Variants in PCBP3 observed in about 807,000 individuals in gnomAD.
The protein encoded by PCBP3 is poly(rC)-binding protein 3.
A neutral mutation model predicts 52.7 loss-of-function variants in PCBP3; 25 were observed. The ratio of observed to expected loss-of-function variants is 0.47; its 90% CI spans 0.35 to 0.66. PCBP3 has a LOEUF of 0.66. Ranked by LOEUF, PCBP3 falls within the 30% of genes least tolerant of loss-of-function variation. The pLI is 0.01. For synonymous variants in PCBP3, 162 were observed against 183.0 expected (o/e 0.89, Z 0.93); for missense variants, 391 against 490.3 (o/e 0.80, Z 1.91).
chr21:45,917,578 C>T lies in PCBP3; in HGVS notation c.676-10C>T. ...GGTTGCAGTCTGACGGGGTCTCTCTCTCTCTCTAGGCCTACACAATCCAGG... is the reference window on the plus strand; with the variant it reads ...GGTTGCAGTCTGACGGGGTCTCTCTTTCTCTCTAGGCCTACACAATCCAGG... On this transcript the variant is annotated splice_polypyrimidine_tract_variant and intron_variant, in intron 12 of 17. Transcript: ENST00000681687. The surrounding 1 kb of genome is among the most constrained non-coding windows in gnomAD (Gnocchi z 5.3). 1.2e-6 allele frequency: 2 copies of T among 1,612,390 alleles called. No individual in the cohort carries two copies. The highest frequency in any genetic ancestry group is 1.7e-6 in the Non-Finnish European group (2 of 1,178,830).
At chr21:45,826,085 C>T (rs2093300575) in intron 4 of PCBP3, among the ~76,000 whole-genome samples, 1 of 151,992 alleles carries the variant, frequency 6.6e-6, no homozygotes, top group Admixed American at 6.6e-5. Context: ...ATGGAGAAAC[C>T]CTGTCTCTAC....
At chr21:45,886,475 G>A (rs1173031383) in intron 5 of PCBP3, among the ~76,000 whole-genome samples, 27 of 149,320 alleles carry the variant, frequency 1.8e-4, no homozygotes, top group African/African-American at 6.3e-4. Context: ...CCTCATTGCC[G>A]CGGGTGCCAA....
At chr21:45,860,457 C>T (rs926088549) in intron 5 of PCBP3, among the ~76,000 whole-genome samples, 1 of 152,200 alleles carries the variant, frequency 6.6e-6, no homozygotes, top group African/African-American at 2.4e-5. Context: ...GTGTTGAACA[C>T]GCAGTTGGGG....
At chr21:45,844,211 C>T (rs1409466539) in intron 4 of PCBP3, among the ~76,000 whole-genome samples, 2 of 152,038 alleles carry the variant, frequency 1.3e-5, no homozygotes, top group Non-Finnish European at 2.9e-5. Context: ...TTGAGCCGGA[C>T]GATTGACCCA....
At chr21:45,897,826 C>T (rs1023842880) in intron 6 of PCBP3, among the ~76,000 whole-genome samples, 1 of 152,182 alleles carries the variant, frequency 6.6e-6, no homozygotes, top group African/African-American at 2.4e-5. Flanking sequence ...CCCTGCAGAA[C>T]ACTTCCTTCC....
At chr21:45,823,811 G>A (rs528608739) in intron 4 of PCBP3, among the ~76,000 whole-genome samples, 21 of 151,902 alleles carry the variant, frequency 1.4e-4, no homozygotes, top group East Asian at 3.9e-4. Context: ...GCATGATCTC[G>A]ACTCACTGCA....
At chr21:45,936,826 C>A (rs1030418949) in intron 16 of PCBP3, among the ~76,000 whole-genome samples, 14 of 152,224 alleles carry the variant, frequency 9.2e-5, no homozygotes, top group African/African-American at 3.4e-4. Context: ...CTCCTTTGTA[C>A]AGATGGATGC....
chr21:45,745,066 G>A (rs751681346), intron 3 of PCBP3, among the ~76,000 whole-genome samples: 1 of 152,194 alleles, frequency 6.6e-6, no homozygotes, highest in Non-Finnish European at 1.5e-5. Flanking sequence ...TACAGTGTGA[G>A]CAGTGGAGAA....
At position 45,770,160 on chromosome 21, in the gene PCBP3, C is replaced by T. The variant is rs576131017; in HGVS notation, c.-126+14708C>T. 2.6e-3 allele frequency among the ~76,000 whole-genome samples: 391 copies of T among 152,254 alleles called. 2 individuals carry two copies. Among genetic ancestry groups the T allele is most frequent in the African/African-American group, 9.0e-3 (376 of 41,570 alleles). On this transcript the variant is annotated intron_variant, in intron 4 of 17. Transcript: ENST00000681687. ...TCTGAACGGCGCCCCTGAACTCCGCCGAAGGGGCGCCTCCTCTCCCCTGAA... is the reference window on the plus strand; with the variant it reads ...TCTGAACGGCGCCCCTGAACTCCGCTGAAGGGGCGCCTCCTCTCCCCTGAA...
At chr21:45,842,173 C>T (rs1355592752) in intron 4 of PCBP3, among the ~76,000 whole-genome samples, 1 of 152,192 alleles carries the variant, frequency 6.6e-6, no homozygotes, top group East Asian at 1.9e-4. Context: ...TTCAGTATGG[C>T]TTAAATTTCC....
intron 7 of PCBP3, among the ~76,000 whole-genome samples, chr21:45,900,260 C>T (rs984132894): frequency 3.3e-5 from 5 of 152,198 alleles, no homozygotes; most frequent in African/African-American, 9.7e-5. Flanking sequence ...GCCGGCAATG[C>T]GGGGCGCCTG....
At chr21:45,721,233 C>T (rs1040711006) in intron 2 of PCBP3, among the ~76,000 whole-genome samples, 10 of 151,968 alleles carry the variant, frequency 6.6e-5, no homozygotes, top group Non-Finnish European at 1.2e-4. Flanking sequence ...GCCAATGTGG[C>T]GAAACCCCAT....
At position 45,901,502 on chromosome 21, in the gene PCBP3, G is replaced by A. The variant is rs143347962; in HGVS notation, c.339+389G>A. ...CAGCCAGCTCTGCCACATGGCTCTCGATGAAGCCCTGGCTGGCACAGCCCT... is the reference window on the plus strand; with the variant it reads ...CAGCCAGCTCTGCCACATGGCTCTCAATGAAGCCCTGGCTGGCACAGCCCT... On this transcript the variant is annotated intron_variant, in intron 9 of 17. Coordinates refer to ENST00000681687, the MANE Select transcript of PCBP3 (RefSeq NM_001384156.1). The A allele has an allele frequency of 6.2e-4, 166 of 267,874 alleles. 3 individuals carry two copies. In the East Asian group the frequency reaches 0.012, roughly 20 times the overall value. 16.6% of individuals were successfully genotyped at this position (267,874 alleles called of 1,614,324 possible). A position where few individuals can be genotyped will look rare whatever the true frequency, so the allele number is the denominator to read the frequency against.
intron 16 of PCBP3, among the ~76,000 whole-genome samples, chr21:45,938,151 T>C (rs1392085254): frequency 6.6e-6 from 1 of 152,178 alleles, no homozygotes; most frequent in Non-Finnish European, 1.5e-5. Flanking sequence ...AGGCCCTGTT[T>C]GCAGGAGGGG....
intron 2 of PCBP3, among the ~76,000 whole-genome samples, chr21:45,674,460 A>G (rs2081348486): frequency 6.6e-6 from 1 of 152,200 alleles, no homozygotes; most frequent in African/African-American, 2.4e-5. Flanking sequence ...AAATCACCCA[A>G]TACCAACAAA....
At chr21:45,894,872 A>T (rs1392756830) in intron 5 of PCBP3, among the ~76,000 whole-genome samples, 2 of 152,248 alleles carry the variant, frequency 1.3e-5, no homozygotes, top group East Asian at 3.8e-4. Flanking sequence ...TTGTCCTTCA[A>T]AGTGTCATTT....
At chr21:45,655,462 G>A (rs2079955219) in intron 1 of PCBP3, among the ~76,000 whole-genome samples, 1 of 152,114 alleles carries the variant, frequency 6.6e-6, no homozygotes. Context: ...TTATAGCCAT[G>A]TAGTGGGTGG....
chr21:45,646,366 C>T (rs1188330706), intron 1 of PCBP3, among the ~76,000 whole-genome samples: 2 of 151,938 alleles, frequency 1.3e-5, no homozygotes, highest in Non-Finnish European at 2.9e-5. Flanking sequence ...AGTTTTGTTG[C>T]TTGAGTATGG....
chr21:45,695,946 G>T (rs181558869), intron 2 of PCBP3, among the ~76,000 whole-genome samples: 10 of 152,028 alleles, frequency 6.6e-5, no homozygotes, highest in Non-Finnish European at 1.3e-4. Flanking sequence ...TGACGTGGTG[G>T]CACACACCTG....
Sources: gnomAD v4.1 joint callset for allele counts (sites outside exome capture counted in the v4.1 genomes callset) on GRCh38, gnomAD v4.1.1 for gene constraint, Gnocchi (gnomAD v3.1) non-coding constraint, MANE v1.5 for transcripts, NCBI Gene and HGNC (gene_info 2026-07-23, HGNC 2026-07-21) for gene names.